The following PPIP5K2 variants were observed in gnomAD, a reference collection of about 807,000 sequenced individuals.
PPIP5K2 encodes the protein diphosphoinositol pentakisphosphate kinase 2, also known as inositol hexakisphosphate and diphosphoinositol-pentakisphosphate kinase 2.
In PPIP5K2, 105 loss-of-function variants were observed where a neutral mutation model predicts 154.6. The ratio of observed to expected loss-of-function variants is 0.68; its 90% CI spans 0.58 to 0.80. The LOEUF (loss-of-function observed/expected upper bound fraction) is 0.80, where lower values mean the gene tolerates loss of function less well. PPIP5K2 is among the 30% of genes least tolerant of loss of function. The pLI is 0.00. For synonymous variants in PPIP5K2, 480 were observed against 490.3 expected, an observed-to-expected ratio of 0.98 and a Z score of 0.28; for missense variants, 992 against 1,504.6, an observed-to-expected ratio of 0.66 and a Z score of 5.64.
intron 5 of PPIP5K2, among the ~76,000 whole-genome samples, chr5:103,141,353 C>G (rs1421986714): frequency 6.6e-6 from 1 of 152,056 alleles, no homozygotes; most frequent in Admixed American, 6.6e-5. Flanking sequence ...AGCTGCAGAC[C>G]TTCGCGGTGA....
intron 5 of PPIP5K2, among the ~76,000 whole-genome samples, chr5:103,140,977 A>C (rs1393422219): frequency 6.6e-6 from 1 of 152,228 alleles, no homozygotes. Context: ...AAGATCTTAC[A>C]GATCTTTTAC....
At chr5:103,186,967 C>G (rs573061452) in intron 27 of PPIP5K2, among the ~76,000 whole-genome samples, 1 of 152,070 alleles carries the variant, frequency 6.6e-6, no homozygotes, top group African/African-American at 2.4e-5. Context: ...CTCATGGAAG[C>G]GTGTCCCTTT....
chr5:103,120,677 C>T (rs781903560), intron 1 of PPIP5K2, 189 bp downstream of exon 1: 7 of 305,134 alleles, frequency 2.3e-5, no homozygotes, highest in Non-Finnish European at 4.1e-5. Context: ...AGGGTCCTTT[C>T]GCGCCTTGAT....
At chr5:103,178,985 A>G (rs1386855242) in intron 23 of PPIP5K2, among the ~76,000 whole-genome samples, 1 of 151,874 alleles carries the variant, frequency 6.6e-6, no homozygotes, top group African/African-American at 2.4e-5. Context: ...TTGTATAAAA[A>G]TTTTATAGCT....
At chr5:103,159,868 T>A (rs969600079) in intron 17 of PPIP5K2, among the ~76,000 whole-genome samples, 1 of 152,200 alleles carries the variant, frequency 6.6e-6, no homozygotes, top group African/African-American at 2.4e-5. Flanking sequence ...ATAGAGCTCC[T>A]GAACTTATTC....
rs116396868 is a variant in PPIP5K2, at chr5:103,155,053, G to T, written c.1403+110G>T. On this transcript the variant is annotated intron_variant, in intron 13 of 30. Coordinates refer to ENST00000358359, the MANE Select transcript of PPIP5K2 (RefSeq NM_001276277.3). ...TCACAGTCTGATCTTTTTACTCTTT[G>T]TTACTATAGTTGAGACATGAAGGAA... The T allele has an allele frequency of 1.9e-3, 1,056 of 564,510 alleles. 7 individuals carry two copies. The highest frequency in any genetic ancestry group is 0.019 in the African/African-American group (959 of 51,460). 35.0% of individuals were successfully genotyped at this position (564,510 alleles called of 1,614,324 possible). A position where few individuals can be genotyped will look rare whatever the true frequency, so the allele number is the denominator to read the frequency against.
At chr5:103,140,098 T>C (rs1333867086) in intron 5 of PPIP5K2, among the ~76,000 whole-genome samples, 2 of 152,084 alleles carry the variant, frequency 1.3e-5, no homozygotes, top group African/African-American at 4.8e-5. Context: ...TTCTTCGTTT[T>C]TCTTTAAGAA....
rs781887056 is a variant in PPIP5K2 at position 103,159,127 on chromosome 5, CTTTA to C, written c.1738-14_1738-11del. The stretch of plus-strand genomic sequence containing the variant: ...TATTAATTTTTTAAATTCGTGTTTT[CTTTA>C]TTTAATATGCTTAGGGGCTTTTAGC... On this transcript the variant is annotated splice_polypyrimidine_tract_variant and intron_variant, in intron 16 of 30. Coordinates refer to ENST00000358359, the MANE Select transcript of PPIP5K2 (RefSeq NM_001276277.3). The C allele has an allele frequency of 1.6e-5, 23 of 1,461,992 alleles. No homozygotes were observed. Among genetic ancestry groups the C allele is most frequent in the Non-Finnish European group, 2.1e-5 (23 of 1,087,654 alleles). 90.6% of individuals were successfully genotyped at this position (1,461,992 alleles called of 1,614,324 possible). A position where few individuals can be genotyped will look rare whatever the true frequency, so the allele number is the denominator to read the frequency against.
rs574322075 is a variant in PPIP5K2, at chr5:103,174,554, C to T, written c.2529+582C>T. Among the ~76,000 whole-genome samples, 6 of 152,106 alleles carry T rather than the reference C, an allele frequency of 3.9e-5. No individual in the cohort carries two copies. In the East Asian group the frequency reaches 7.7e-4, roughly 20 times the overall value. ...TGGCTGTCAGCTGGGACCTCAGCTG[C>T]GGTTATCAAGCAGAACACCTACATC... On this transcript the variant is annotated intron_variant, in intron 21 of 30. Coordinates refer to ENST00000358359, the MANE Select transcript of PPIP5K2 (RefSeq NM_001276277.3).
intron 27 of PPIP5K2, among the ~76,000 whole-genome samples, chr5:103,186,643 T>A (rs1470230348): frequency 6.6e-6 from 1 of 152,224 alleles, no homozygotes; most frequent in Admixed American, 6.5e-5. Context: ...AGATTTACAG[T>A]ACTTGTACAA....
At position 103,180,175 on chromosome 5, in the gene PPIP5K2, C is replaced by T. The variant is rs782003123; in HGVS notation, c.2909C>T (p.Thr970Met). Residue 970 changes from threonine (T) to methionine (M), a missense_variant, in exon 24 of 31, where the codon ACG becomes ATG. This residue lies in a region of PPIP5K2 where 204 missense variants were observed against 224.0 expected (regional missense o/e 0.91). Transcript: ENST00000358359. ...TCTCCACTTCCAAGATCTAGGAAGA[C>T]GGCTACAAATGATGTAAGTATATGT... ...RKSPLPRSRK[T>M]ATNDEESPLS... 31 of 1,588,262 alleles carry T rather than the reference C, an allele frequency of 2.0e-5. No homozygotes were observed. The Middle Eastern group carries it at 5.0e-4, about 26-fold the overall frequency.
rs1554231700 is a variant in PPIP5K2 at position 103,204,619 on chromosome 5, A to G, written c.*2985A>G. 1.3e-5 allele frequency: 2 copies of G among 152,052 alleles called. No homozygotes were observed. Among genetic ancestry groups the G allele is most frequent in the African/African-American group, 4.8e-5 (2 of 41,404 alleles). The allele number at this position is 152,052 out of a possible 1,614,324, so 9.4% of individuals were successfully genotyped here. A position where few individuals can be genotyped will look rare whatever the true frequency, so the allele number is the denominator to read the frequency against. On this transcript the variant is annotated 3_prime_UTR_variant, in exon 31 of 31. Transcript: ENST00000358359. ...GCCACCACACCCAGCTCATGGGAATAATTTTTACACTCCTTCAGAAGGAGT... is the reference window on the plus strand; with the variant it reads ...GCCACCACACCCAGCTCATGGGAATGATTTTTACACTCCTTCAGAAGGAGT...
chr5:103,201,715 CTT>C lies in PPIP5K2; in HGVS notation c.*82_*83del. 1 of 1,001,302 alleles carries C rather than the reference CTT, an allele frequency of 1.0e-6. No homozygotes were observed. The highest frequency in any genetic ancestry group is 1.5e-6 in the Non-Finnish European group (1 of 687,650). 62.0% of individuals were successfully genotyped at this position (1,001,302 alleles called of 1,614,324 possible). On this transcript the variant is annotated 3_prime_UTR_variant, in exon 31 of 31. Coordinates refer to ENST00000358359, the MANE Select transcript of PPIP5K2 (RefSeq NM_001276277.3). ...TTCTCCTTATGCATTTATGTGTTCA[CTT>C]AAAAATGTTTTTAAATCTAAGGTTT... is the stretch of plus-strand genomic sequence containing the variant.
intron 5 of PPIP5K2, among the ~76,000 whole-genome samples, chr5:103,141,086 C>T (rs1294343502): frequency 3.9e-5 from 6 of 152,120 alleles, no homozygotes; most frequent in Admixed American, 2.6e-4. Context: ...GTAATCCCAA[C>T]ACTTTGGGAG....
chr5:103,152,777 A>T (rs782728260), intron 10 of PPIP5K2, 28 bp downstream of exon 10: 2 of 1,456,824 alleles, frequency 1.4e-6, no homozygotes, highest in Non-Finnish European at 1.9e-6. Context: ...TCATTTAGAA[A>T]TTGAGTTTTC....
intron 16 of PPIP5K2, 106 bp from the exon 17 acceptor site, chr5:103,159,036 GTTTA>G (rs1194194698): frequency 3.9e-6 from 3 of 776,238 alleles, no homozygotes; most frequent in African/African-American, 1.8e-5. Flanking sequence ...TATTAATAAA[GTTTA>G]TTTATGATAA....
rs1562379830 is a variant in PPIP5K2 at position 103,136,724 on chromosome 5, GTTC to G, written c.311-5_311-3del. On this transcript the variant is annotated splice_polypyrimidine_tract_variant and splice_region_variant and intron_variant, in intron 3 of 30. Transcript: ENST00000358359. ...AATACAGAATATGTTAATAATATGT[GTTC>G]TTAGGATTTCCACTGGACAAAGCGG... The G allele has an allele frequency of 1.2e-6, 2 of 1,603,494 alleles. No homozygotes were observed. Among genetic ancestry groups the G allele is most frequent in the Admixed American group, 1.7e-5 (1 of 59,992 alleles).
intron 17 of PPIP5K2, among the ~76,000 whole-genome samples, chr5:103,162,981 T>A (rs189512074): frequency 7.6e-4 from 116 of 152,092 alleles, no homozygotes; most frequent in African/African-American, 2.7e-3. Context: ...AAGTACCATA[T>A]TTATTATATA....
intron 17 of PPIP5K2, among the ~76,000 whole-genome samples, chr5:103,159,562 T>C (rs1405452328): frequency 1.3e-5 from 2 of 152,162 alleles, no homozygotes; most frequent in Non-Finnish European, 2.9e-5. Context: ...TTATATTCTT[T>C]TCATATCCAG....
Sources: allele counts gnomAD v4.1 joint callset (sites outside exome capture counted in the v4.1 genomes callset), GRCh38; gene constraint gnomAD v4.1.1; regional missense constraint gnomAD v4.1.1; transcripts MANE v1.5; gene names NCBI Gene and HGNC (gene_info 2026-07-23, HGNC 2026-07-21).